Variants in HKDC1 observed in about 807,000 individuals in gnomAD.
The protein encoded by HKDC1 is hexokinase HKDC1.
In HKDC1, 66 loss-of-function variants were observed where a neutral mutation model predicts 96.6. That is an observed-to-expected ratio of 0.68 (90% CI 0.56 to 0.84). The LOEUF is 0.84. Among genes scored for constraint, HKDC1 ranks in the 40% least tolerant of loss-of-function variants. The pLI is 0.00. For missense variants in HKDC1, 1,211 were observed against 1,208.1 expected (o/e 1.00, Z -0.04); for synonymous variants, 466 against 473.1 (o/e 0.98, Z 0.20).
Position 69,233,019 on chromosome 10 carries a change from T to C in HKDC1, c.381T>C (p.Phe127=), listed in dbSNP as rs772378564. The C allele has an allele frequency of 6.2e-7, 1 of 1,614,074 alleles. No individual in the cohort carries two copies. The highest frequency in any genetic ancestry group is 1.1e-5 in the South Asian group (1 of 91,080). The change falls in exon 4 of 18, where the codon TTT becomes TTC. Residue 127 remains phenylalanine (F), a synonymous_variant. Coordinates refer to ENST00000354624, the MANE Select transcript of HKDC1 (RefSeq NM_025130.4). The part of the protein sequence containing the change: ...EIIRGNGTEL[F]EYVADCLADF... Reference sequence around the variant, plus strand: ...TTGCTTTCTCTTCTCTGCAGCTGTTTGAATATGTAGCTGACTGTCTGGCAG... The same window carrying C: ...TTGCTTTCTCTTCTCTGCAGCTGTTCGAATATGTAGCTGACTGTCTGGCAG...
Position 69,238,480 on chromosome 10 carries a change from C to T in HKDC1, c.496-562C>T, listed in dbSNP as rs1843399410. On this transcript the variant is annotated intron_variant, in intron 4 of 17. Transcript: ENST00000354624. ...CAAGCTCCGCTTCCCGGGTTCACGC[C>T]ATTCTCCTGCCTCAGCCTCCCGAGT... Among the ~76,000 whole-genome samples, 2 of 77,710 alleles carry T rather than the reference C, an allele frequency of 2.6e-5. 1 individual carries two copies. The highest frequency in any genetic ancestry group is 4.9e-5 in the Non-Finnish European group (2 of 40,454). 51.0% of individuals were successfully genotyped at this position (77,710 alleles called of 152,430 possible). A position where few individuals can be genotyped will look rare whatever the true frequency, so the allele number is the denominator to read the frequency against.
chr10:69,231,495 C>T (rs145671606), intron 2 of HKDC1, among the ~76,000 whole-genome samples: 18 of 152,232 alleles, frequency 1.2e-4, no homozygotes, highest in South Asian at 6.2e-4. Flanking sequence ...CCCCCGCTCC[C>T]GGCAGCCTGG....
At chr10:69,241,000 G>C (rs7914955) in intron 6 of HKDC1, among the ~76,000 whole-genome samples, 3,812 of 152,232 alleles carry the variant, frequency 0.025, 162 homozygotes, top group African/African-American at 0.086. Flanking sequence ...ACTTTCAGTG[G>C]GGAGGTGGGT....
intron 15 of HKDC1, among the ~76,000 whole-genome samples, chr10:69,259,196 T>A (rs558234529): frequency 4.6e-5 from 7 of 152,210 alleles, no homozygotes; most frequent in Non-Finnish European, 1.0e-4. Context: ...GTTCTGGAAG[T>A]GAGGCAGAGG....
chr10:69,259,806 G>T (rs1843779437), intron 15 of HKDC1, among the ~76,000 whole-genome samples: 1 of 152,138 alleles, frequency 6.6e-6, no homozygotes, highest in African/African-American at 2.4e-5. Flanking sequence ...GATCTTGTGA[G>T]AACCCACTCA....
chr10:69,250,736 C>T, intron 12 of HKDC1, 84 bp downstream of exon 12: 2 of 1,494,282 alleles, frequency 1.3e-6, no homozygotes, highest in Non-Finnish European at 1.8e-6. Context: ...TCCCAGCCTG[C>T]CTTCATTTTT....
chr10:69,251,087 CTT>C (rs869084452), intron 12 of HKDC1, among the ~76,000 whole-genome samples: 1,944 of 92,586 alleles, frequency 0.021, 27 homozygotes, highest in African/African-American at 0.076. Flanking sequence ...AAATACATTT[CTT>C]TTTTTTTTTT....
chr10:69,227,667 G>A (rs774338059), intron 2 of HKDC1, among the ~76,000 whole-genome samples: 10 of 152,130 alleles, frequency 6.6e-5, no homozygotes, highest in African/African-American at 1.4e-4. Flanking sequence ...CCGTCTCAGC[G>A]TAGTGGTCCC....
chr10:69,265,973 G>C (rs1011314268), intron 17 of HKDC1, among the ~76,000 whole-genome samples, 155 bp downstream of exon 17: 1 of 152,200 alleles, frequency 6.6e-6, no homozygotes, highest in Non-Finnish European at 1.5e-5. Flanking sequence ...TATTCAATCT[G>C]ACAGACAAGG....
intron 17 of HKDC1, 68 bp downstream of exon 17, chr10:69,265,886 T>A: frequency 8.7e-7 from 1 of 1,155,306 alleles, no homozygotes; most frequent in Non-Finnish European, 1.3e-6. Context: ...GGACTTGGCA[T>A]AGCCTCCTGA....
chr10:69,229,217 C>G (rs574233379), intron 2 of HKDC1, among the ~76,000 whole-genome samples: 1 of 152,204 alleles, frequency 6.6e-6, no homozygotes, highest in Admixed American at 6.5e-5. Context: ...TTTGGGAGCT[C>G]TCAGGGGGCT....
chr10:69,239,103 T>C lies in HKDC1; in HGVS notation c.557T>C (p.Val186Ala), dbSNP rs1250202846. 6.2e-7 allele frequency: 1 copy of C among 1,613,842 alleles called. No individual in the cohort carries two copies. The highest frequency in any genetic ancestry group is 8.5e-7 in the Non-Finnish European group (1 of 1,179,860). The change falls in exon 5 of 18, where the codon GTG (valine) becomes GCG (alanine). Residue 186 changes from valine (V) to alanine (A), a missense_variant. By Grantham distance (64) the Val-to-Ala change is moderately conservative. Coordinates refer to ENST00000354624, the MANE Select transcript of HKDC1 (RefSeq NM_025130.4). Reference protein sequence around the residue: ...KARGVQDTDVVSRLTKAMRRH... With the variant: ...KARGVQDTDVASRLTKAMRRH... ...CGAGGAGTTCAGGACACGGATGTGG[T>C]GAGCCGTCTGACCAAAGCCATGAGA...
chr10:69,258,841 G>A lies in HKDC1; in HGVS notation c.2098G>A (p.Gly700Arg), dbSNP rs1564736832. Residue 700 changes from glycine to arginine, a missense_variant, in exon 15 of 18, where the codon GGG becomes AGG. Physicochemically the swap from Gly to Arg is moderately radical, Grantham distance 125. Transcript: ENST00000354624. ...CATCGAGATGGTGGAGGGGGGTGAA[G>A]GGAAGATGTGCATCAATACAGAGTG... is the stretch of plus-strand genomic sequence containing the variant. ...RNIEMVEGGE[G>R]KMCINTEWGG... 6.2e-7 allele frequency: 1 copy of A among 1,614,102 alleles called. No homozygotes were observed. The highest frequency in any genetic ancestry group is 8.5e-7 in the Non-Finnish European group (1 of 1,180,000).
chr10:69,246,128 A>T lies in HKDC1; in HGVS notation c.925A>T (p.Ile309Phe). ...GLYLGELVRL[I>F]LLKMAKAGLL... ...GTACCTGGGGGAGCTTGTCAGGCTT[A>T]TCTTGCTGAAGATGGCCAAGGCTGG... Residue 309 changes from isoleucine (I) to phenylalanine (F), a missense_variant, in exon 8 of 18, where the codon ATC becomes TTC. Transcript: ENST00000354624. 6.2e-7 allele frequency: 1 copy of T among 1,614,258 alleles called. No homozygotes were observed.
chr10:69,262,729 C>A (rs1156590700), intron 16 of HKDC1, among the ~76,000 whole-genome samples: 1 of 152,050 alleles, frequency 6.6e-6, no homozygotes. Flanking sequence ...ACAGCAGCAG[C>A]GATTATGTAT....
chr10:69,222,991 G>A (rs899794219), intron 1 of HKDC1: 3 of 151,350 alleles, frequency 2.0e-5, no homozygotes, highest in Non-Finnish European at 4.4e-5. Context: ...GCCTGCAAGG[G>A]TTACTACTGA....
Position 69,265,569 on chromosome 10 carries a change from G to C in HKDC1, c.2373-16G>C. 6.2e-7 allele frequency: 1 copy of C among 1,612,390 alleles called. No homozygotes were observed. Among genetic ancestry groups the C allele is most frequent in the African/African-American group, 1.3e-5 (1 of 74,992 alleles). The stretch of plus-strand genomic sequence containing the variant: ...CCTGGGAAGCAGGTCCTGACTCCCT[G>C]CTCTATTGCCTGCAGCGATCGGCTG... On this transcript the variant is annotated splice_polypyrimidine_tract_variant and intron_variant, in intron 16 of 17. Transcript: ENST00000354624.
At chr10:69,227,098 T>C in intron 1 of HKDC1, 109 bp from the exon 2 acceptor site, 1 of 1,234,778 alleles carries the variant, frequency 8.1e-7, no homozygotes, top group Non-Finnish European at 1.2e-6. Context: ...ATCTCAATGC[T>C]GTCCCCAGAG....
chr10:69,221,799 G>A (rs1843069874), intron 1 of HKDC1, among the ~76,000 whole-genome samples: 1 of 152,012 alleles, frequency 6.6e-6, no homozygotes, highest in Non-Finnish European at 1.5e-5. Flanking sequence ...CGGTCATGGT[G>A]GTGTGTGCCT....
Sources: allele counts gnomAD v4.1 joint callset (sites outside exome capture counted in the v4.1 genomes callset), GRCh38; gene constraint gnomAD v4.1.1; transcripts MANE v1.5; gene names NCBI Gene and HGNC (gene_info 2026-07-23, HGNC 2026-07-21).